The following PPP3R1 variants were observed in gnomAD, a reference collection of about 807,000 sequenced individuals.
The protein encoded by PPP3R1 is calcineurin subunit B type 1.
In PPP3R1, 5 loss-of-function variants were observed where a neutral mutation model predicts 22.6. The ratio of observed to expected loss-of-function variants is 0.22; its 90% CI spans 0.12 to 0.46. The LOEUF (loss-of-function observed/expected upper bound fraction) is 0.46. Among genes scored for constraint, PPP3R1 ranks in the 20% least tolerant of loss-of-function variants. The pLI, the probability that PPP3R1 is intolerant of heterozygous loss-of-function variation, is 0.99. For synonymous variants in PPP3R1, 56 were observed against 65.2 expected (o/e 0.86, Z 0.68); for missense variants, 61 against 203.2 (o/e 0.30, Z 4.25).
intron 2 of PPP3R1, among the ~76,000 whole-genome samples, chr2:68,214,001 G>T (rs1163857685): frequency 1.3e-5 from 2 of 152,060 alleles, no homozygotes; most frequent in Non-Finnish European, 2.9e-5. Context: ...CAGAAATAAT[G>T]TTGCACACCT....
At chr2:68,233,871 CTTAAAAG>C (rs1376395472) in intron 1 of PPP3R1, among the ~76,000 whole-genome samples, 1 of 151,778 alleles carries the variant, frequency 6.6e-6, no homozygotes. Context: ...GAAAGTAATC[CTTAAAAG>C]TTAAAAGTTA....
At chr2:68,194,430 C>A (rs1003285618) in intron 2 of PPP3R1, among the ~76,000 whole-genome samples, 2 of 151,980 alleles carry the variant, frequency 1.3e-5, no homozygotes, top group African/African-American at 4.8e-5. Flanking sequence ...TGTTGCTACA[C>A]TAAATTTTAG....
chr2:68,187,706 T>C (rs1325423441), intron 3 of PPP3R1, among the ~76,000 whole-genome samples: 1 of 152,204 alleles, frequency 6.6e-6, no homozygotes, highest in East Asian at 1.9e-4. Flanking sequence ...AAATTGTGAA[T>C]CAAATATGCT....
intron 1 of PPP3R1, among the ~76,000 whole-genome samples, chr2:68,246,742 CCATCTTTAGAGTTCACTCTCTTCA>C (rs1670244151): frequency 6.6e-6 from 1 of 152,146 alleles, no homozygotes; most frequent in Admixed American, 6.5e-5. Context: ...TTTACATGCA[CCATCTTTAGAGTTCACTCTCTTCA>C]CGTCTCATTT....
intron 1 of PPP3R1, among the ~76,000 whole-genome samples, chr2:68,249,556 C>T (rs895720464): frequency 6.6e-6 from 1 of 151,984 alleles, no homozygotes; most frequent in Admixed American, 6.6e-5. Context: ...GAACAAAATC[C>T]GTATTATCTA....
At position 68,252,456 on chromosome 2, in the gene PPP3R1, G is replaced by C; in HGVS notation, c.-329C>G. 1.0e-6 allele frequency: 1 copy of C among 989,904 alleles called. No homozygotes were observed. The highest frequency in any genetic ancestry group is 1.2e-6 in the Non-Finnish European group (1 of 833,558). The allele number at this position is 989,904 out of a possible 1,614,324, so 61.3% of individuals were successfully genotyped here. On this transcript the variant is annotated 5_prime_UTR_variant, in exon 1 of 6. Coordinates refer to ENST00000234310, the MANE Select transcript of PPP3R1 (RefSeq NM_000945.4). ...GCGAAGACGGCCGGGAAACTCGGGGGCTGCAGCCTCGCGCTCGCGCCGGAG... is the reference window on the plus strand; with the variant it reads ...GCGAAGACGGCCGGGAAACTCGGGGCCTGCAGCCTCGCGCTCGCGCCGGAG...
At chr2:68,203,445 T>C (rs1675029270) in intron 2 of PPP3R1, among the ~76,000 whole-genome samples, 1 of 151,976 alleles carries the variant, frequency 6.6e-6, no homozygotes, top group Non-Finnish European at 1.5e-5. Flanking sequence ...CTAATACAAA[T>C]ACAAAATTAA....
chr2:68,217,017 C>CAA (rs1669591816), intron 2 of PPP3R1, 75 bp downstream of exon 2: 2 of 950,466 alleles, frequency 2.1e-6, no homozygotes, highest in African/African-American at 4.6e-5. Context: ...ATGATACACA[C>CAA]ACACACACAC....
chr2:68,220,690 T>A (rs1208893206), intron 1 of PPP3R1, among the ~76,000 whole-genome samples: 1 of 152,170 alleles, frequency 6.6e-6, no homozygotes, highest in South Asian at 2.1e-4. Flanking sequence ...ACATCCAATA[T>A]AAAACATAAT....
At chr2:68,229,421 G>A (rs1446673351) in intron 1 of PPP3R1, among the ~76,000 whole-genome samples, 1 of 152,156 alleles carries the variant, frequency 6.6e-6, no homozygotes, top group Non-Finnish European at 1.5e-5. Flanking sequence ...GATTACATAT[G>A]TTGAGTATCT....
At chr2:68,198,225 A>T (rs1008148782) in intron 2 of PPP3R1, among the ~76,000 whole-genome samples, 1 of 119,808 alleles carries the variant, frequency 8.3e-6, no homozygotes, top group African/African-American at 2.9e-5. Flanking sequence ...TATACATTTT[A>T]CATATATGTA....
In PPP3R1 at chr2:68,187,078, T is replaced by C. The variant is rs1001281890; in HGVS notation, c.280+177A>G. ...AACTAAAAGCAGCAATGACACATTA[T>C]TCAAATATAGTAGTTGGAAATGTCC... is the stretch of plus-strand genomic sequence containing the variant. On this transcript the variant is annotated intron_variant, in intron 4 of 5. Transcript: ENST00000234310. Among the ~76,000 whole-genome samples, 3 of 151,596 alleles carry C rather than the reference T, an allele frequency of 2.0e-5. No homozygotes were observed. In the South Asian group the frequency reaches 6.2e-4, roughly 31 times the overall value.
intron 2 of PPP3R1, among the ~76,000 whole-genome samples, chr2:68,212,111 C>T (rs1016150524): frequency 7.2e-5 from 11 of 152,040 alleles, no homozygotes; most frequent in Non-Finnish European, 1.5e-5. Flanking sequence ...GACAAGGTCT[C>T]GCTCTGTCGC....
At chr2:68,187,050 T>G (rs891836135) in intron 4 of PPP3R1, among the ~76,000 whole-genome samples, 1 of 152,226 alleles carries the variant, frequency 6.6e-6, no homozygotes, top group Non-Finnish European at 1.5e-5. Context: ...TTTCCTTCTA[T>G]CCAACTAAAA....
At chr2:68,241,483 T>C (rs1670136386) in intron 1 of PPP3R1, among the ~76,000 whole-genome samples, 1 of 152,186 alleles carries the variant, frequency 6.6e-6, no homozygotes, top group Admixed American at 6.5e-5. Flanking sequence ...GTCACATTGC[T>C]AATAAATGGC....
chr2:68,188,350 C>G (rs1674589877), intron 3 of PPP3R1, among the ~76,000 whole-genome samples, 164 bp downstream of exon 3: 1 of 151,576 alleles, frequency 6.6e-6, no homozygotes, highest in African/African-American at 2.4e-5. Flanking sequence ...GTAAAATGTC[C>G]TAGTTCATTA....
At chr2:68,248,357 G>T (rs1007523014) in intron 1 of PPP3R1, among the ~76,000 whole-genome samples, 5 of 152,148 alleles carry the variant, frequency 3.3e-5, no homozygotes, top group African/African-American at 1.2e-4. Context: ...ATAGCACACT[G>T]CATAATCACT....
rs1485540498 is a variant in PPP3R1, at chr2:68,215,050, T to A, written c.43+2042A>T. Among the ~76,000 whole-genome samples the A allele has an allele frequency of 2.0e-5, 3 of 152,168 alleles. No individual in the cohort carries two copies. In the East Asian group the frequency reaches 5.8e-4, roughly 29 times the overall value. ...CATGAACAGAAAACCAAATACTGCA[T>A]GTTCTCACTTGTAAGTGGGATCTAA... On this transcript the variant is annotated intron_variant, in intron 2 of 5. Transcript: ENST00000234310.
intron 2 of PPP3R1, among the ~76,000 whole-genome samples, chr2:68,201,991 T>C (rs112200971): frequency 5.1e-4 from 77 of 152,336 alleles, no homozygotes; most frequent in African/African-American, 1.8e-3. Context: ...AGAATGCTTT[T>C]AAACAAAAGA....
Sources: gnomAD v4.1 joint callset for allele counts (sites outside exome capture counted in the v4.1 genomes callset) on GRCh38, gnomAD v4.1.1 for gene constraint, MANE v1.5 for transcripts, NCBI Gene and HGNC (gene_info 2026-07-23, HGNC 2026-07-21) for gene names.